Variants in CTSW observed in about 807,000 individuals in gnomAD.
The protein encoded by CTSW is lymphopain.
Under a neutral mutation model 43.8 loss-of-function variants are expected in CTSW, and 42 were observed. The ratio of observed to expected loss-of-function variants is 0.96; its 90% CI spans 0.75 to 1.24. The LOEUF is 1.24. Ranked by LOEUF, CTSW falls within the 50% of genes most tolerant of loss-of-function variation. The probability of loss-of-function intolerance (pLI) is 0.00; values close to 1 mark genes in which losing one functional copy is unlikely to be tolerated. For synonymous variants in CTSW, 191 were observed against 184.8 expected (o/e 1.03, Z -0.27); for missense variants, 475 against 479.9 (o/e 0.99, Z 0.09).
chr11:65,883,386 A>G lies in CTSW; in HGVS notation c.982A>G (p.Ile328Val). 1 of 1,614,034 alleles carries G rather than the reference A, an allele frequency of 6.2e-7. No homozygotes were observed. The highest frequency in any genetic ancestry group is 8.5e-7 in the Non-Finnish European group (1 of 1,179,972). ...GCCTCCACACCCCACCCCATACTGGATCCTGAAGAACTCCTGGGGGGCCCA... is the reference window on the plus strand; with the variant it reads ...GCCTCCACACCCCACCCCATACTGGGTCCTGAAGAACTCCTGGGGGGCCCA... ...PQPPHPTPYW[I>V]LKNSWGAQWG... is the part of the protein sequence containing the mutation. The change falls in exon 9 of 10, where the codon ATC becomes GTC. Residue 328 changes from isoleucine to valine, a missense_variant. Transcript: ENST00000307886.
chr11:65,881,340 A>G lies in CTSW; in HGVS notation c.173-67A>G. 3.5e-6 allele frequency: 4 copies of G among 1,143,840 alleles called. No individual in the cohort carries two copies. The East Asian group carries it at 8.4e-5, about 24-fold the overall frequency. 70.9% of individuals were successfully genotyped at this position (1,143,840 alleles called of 1,614,324 possible). ...GGTGGGTGTGGGTGGAAGGGTGCCC[A>G]GCCAGCGGCTACTTCCTGCCCCTAA... On this transcript the variant is annotated intron_variant, in intron 2 of 9. Transcript: ENST00000307886.
In CTSW at chr11:65,879,847, G is replaced by A. The variant is rs945115935; in HGVS notation, c.-8G>A. Reference sequence around the variant, plus strand: ...TCCTGCCTCCATGCCACTCCAGACTGCACCGGCATGGCACTGACTGCCCAC... The same window carrying A: ...TCCTGCCTCCATGCCACTCCAGACTACACCGGCATGGCACTGACTGCCCAC... On this transcript the variant is annotated 5_prime_UTR_variant, in exon 1 of 10. Transcript: ENST00000307886. 1.9e-6 allele frequency: 3 copies of A among 1,613,092 alleles called. No homozygotes were observed. The African/African-American group carries it at 4.0e-5, about 22-fold the overall frequency.
In CTSW at chr11:65,882,688, C is replaced by G. The variant is rs1860127154; in HGVS notation, c.618C>G (p.Asn206Lys). The G allele has an allele frequency of 1.9e-6, 3 of 1,613,728 alleles. No individual in the cohort carries two copies. The highest frequency in any genetic ancestry group is 1.3e-5 in the African/African-American group (1 of 74,894). Residue 206 changes from asparagine to lysine, a missense_variant and splice_region_variant, in exon 6 of 10, where the codon AAC (asparagine) becomes AAG (lysine). Coordinates refer to ENST00000307886, the MANE Select transcript of CTSW (RefSeq NM_001335.4). ...VWDAFITVLNNSGLASEKDYP... is the reference protein window; with the variant it reads ...VWDAFITVLNKSGLASEKDYP... The stretch of plus-strand genomic sequence containing the variant: ...ACGCGTTCATAACTGTCCTCAACAA[C>G]AGTGAGTGCACTGCCCCGCCACTCT...
In CTSW at chr11:65,882,901, C is replaced by T; in HGVS notation, c.742C>T (p.His248Tyr). ...CTTCATCATGCTGCAGAACAACGAG[C>T]ACAGTGCGGGCAGGGCAGGGACACG... ...QDFIMLQNNE[H>Y]RIAQYLATYG... Residue 248 changes from histidine (H) to tyrosine (Y), a missense_variant, in exon 7 of 10, where the codon CAC (histidine) becomes TAC (tyrosine). Physicochemically the swap from His to Tyr is moderately conservative, Grantham distance 83 (BLOSUM62 2). Coordinates refer to ENST00000307886, the MANE Select transcript of CTSW (RefSeq NM_001335.4). 3.1e-6 allele frequency: 5 copies of T among 1,613,932 alleles called. No individual in the cohort carries two copies. Among genetic ancestry groups the T allele is most frequent in the Non-Finnish European group, 3.4e-6 (4 of 1,180,030 alleles).
chr11:65,880,637 G>A (rs1028729378), intron 2 of CTSW: 4 of 243,152 alleles, frequency 1.6e-5, no homozygotes, highest in Non-Finnish European at 3.3e-5. Context: ...CTTTGTAATA[G>A]ATGAAGAAAT....
Position 65,882,287 on chromosome 11 carries a change from C to G in CTSW, c.399C>G (p.Asp133Glu). 6.2e-7 allele frequency: 1 copy of G among 1,614,160 alleles called. No individual in the cohort carries two copies. The highest frequency in any genetic ancestry group is 8.5e-7 in the Non-Finnish European group (1 of 1,180,022). ...EPEESVPFSC[D>E]WRKVASAISP... The stretch of plus-strand genomic sequence containing the variant: ...AGGAGTCAGTACCTTTCAGCTGTGA[C>G]TGGCGGAAGGTGGCCAGCGCCATCT... The change falls in exon 4 of 10, where the codon GAC (aspartate) becomes GAG (glutamate). Residue 133 changes from aspartate (D) to glutamate (E), a missense_variant. Coordinates refer to ENST00000307886, the MANE Select transcript of CTSW (RefSeq NM_001335.4).
rs767048770 is a variant in CTSW, at chr11:65,883,521, T to C, written c.1034T>C (p.Leu345Pro). The C allele has an allele frequency of 6.2e-7, 1 of 1,613,876 alleles. No homozygotes were observed. Among genetic ancestry groups the C allele is most frequent in the South Asian group, 1.1e-5 (1 of 91,084 alleles). ...CTAACCTCCTAGGGCTATTTCCGGCTGCACCGAGGGAGCAATACCTGTGGC... is the reference window on the plus strand; with the variant it reads ...CTAACCTCCTAGGGCTATTTCCGGCCGCACCGAGGGAGCAATACCTGTGGC... ...AQWGEKGYFR[L>P]HRGSNTCGIT... is the part of the protein sequence containing the mutation. The change falls in exon 10 of 10, where the codon CTG becomes CCG. Residue 345 changes from leucine to proline, a missense_variant. By Grantham distance (98) the Leu-to-Pro change is moderately conservative. Transcript: ENST00000307886.
intron 3 of CTSW, 144 bp from the exon 4 acceptor site, chr11:65,882,031 G>T: frequency 1.1e-6 from 1 of 929,942 alleles, no homozygotes. Context: ...AAAGTGCTGG[G>T]ATTATAGGTG....
chr11:65,882,047 C>A (rs1860112924), intron 3 of CTSW, 128 bp from the exon 4 acceptor site: 2 of 1,134,350 alleles, frequency 1.8e-6, no homozygotes, highest in Non-Finnish European at 2.5e-6. Context: ...AGGTGTGAGC[C>A]ACCACGCCCG....
chr11:65,883,053 A>G lies in CTSW; in HGVS notation c.746-16A>G, dbSNP rs376249307. On this transcript the variant is annotated splice_polypyrimidine_tract_variant and intron_variant, in intron 7 of 9. Transcript: ENST00000307886. ...ACACCCACATGCCAAGGGTCTGATG[A>G]TGTTCCTGTCCCCAGGAATTGCGCA... 9.9e-6 allele frequency: 16 copies of G among 1,613,878 alleles called. No homozygotes were observed. The highest frequency in any genetic ancestry group is 1.6e-4 in the Middle Eastern group (1 of 6,084).
Sources: allele counts gnomAD v4.1 joint callset, GRCh38; gene constraint gnomAD v4.1.1; transcripts MANE v1.5; gene names NCBI Gene and HGNC (gene_info 2026-07-23, HGNC 2026-07-21).